PALM2AKAP2: variants seen among roughly 807,000 people sequenced by gnomAD.
PALM2AKAP2 encodes PALM2-AKAP2 fusion protein.
Under a neutral mutation model 71.5 loss-of-function variants are expected in PALM2AKAP2, and 37 were observed. The observed-to-expected ratio is 0.52, with a 90% CI of 0.40 to 0.68. PALM2AKAP2 has a LOEUF of 0.68. PALM2AKAP2 is among the 30% of genes least tolerant of loss of function. The pLI is 0.00. For missense variants in PALM2AKAP2, 1,224 were observed against 1,191.8 expected, an observed-to-expected ratio of 1.03 and a Z score of -0.40; for synonymous variants, 468 against 478.8, an observed-to-expected ratio of 0.98 and a Z score of 0.29.
chr9:109,655,640 G>A (rs1297744888), intron 1 of PALM2AKAP2, among the ~76,000 whole-genome samples: 1 of 150,642 alleles, frequency 6.6e-6, no homozygotes, highest in African/African-American at 2.5e-5. Flanking sequence ...TTTGGTTTCT[G>A]TGAAACTGCC....
chr9:109,644,782 G>T (rs1038698215), intron 1 of PALM2AKAP2, among the ~76,000 whole-genome samples: 1 of 152,192 alleles, frequency 6.6e-6, no homozygotes, highest in Admixed American at 6.5e-5. Flanking sequence ...AGGGAAAAAT[G>T]CTGCCAGTTT....
At chr9:110,010,892 A>G (rs1832869561) in intron 6 of PALM2AKAP2, among the ~76,000 whole-genome samples, 1 of 146,780 alleles carries the variant, frequency 6.8e-6, no homozygotes, top group Admixed American at 6.9e-5. Context: ...GCTACTCAGG[A>G]GGCTGAGGCA....
At chr9:109,754,754 C>G (rs1050104059) in intron 1 of PALM2AKAP2, among the ~76,000 whole-genome samples, 2 of 152,106 alleles carry the variant, frequency 1.3e-5, no homozygotes, top group Non-Finnish European at 2.9e-5. Context: ...TGTGTCTCTT[C>G]TTATATGGGC....
At chr9:110,109,775 A>G (rs907988572) in intron 1 of PALM2AKAP2, among the ~76,000 whole-genome samples, 9 of 152,182 alleles carry the variant, frequency 5.9e-5, no homozygotes, top group African/African-American at 2.2e-4. Context: ...CAGATACAGG[A>G]AAAGGGTGCC....
At chr9:109,815,999 C>A (rs1387190970) in intron 1 of PALM2AKAP2, among the ~76,000 whole-genome samples, 1 of 152,044 alleles carries the variant, frequency 6.6e-6, no homozygotes, top group African/African-American at 2.4e-5. Context: ...TTTTTATGTA[C>A]AAACAAAAAA....
intron 1 of PALM2AKAP2, among the ~76,000 whole-genome samples, chr9:109,796,102 G>A (rs1338281127): frequency 6.6e-6 from 1 of 152,216 alleles, no homozygotes; most frequent in Non-Finnish European, 1.5e-5. Flanking sequence ...TTTTAGCAGA[G>A]TTCTTGTTCT....
chr9:109,893,916 TACATGTTCATCTCTGTAACAAACCTGC>T (rs1830142311), intron 3 of PALM2AKAP2, among the ~76,000 whole-genome samples: 2 of 151,666 alleles, frequency 1.3e-5, no homozygotes, highest in South Asian at 4.2e-4. Flanking sequence ...GCCACCATGG[TACATGTTCATCTCTGTAACAAACCTGC>T]ACATCCTGCA....
chr9:109,795,897 A>T (rs938595081), intron 1 of PALM2AKAP2, among the ~76,000 whole-genome samples: 1 of 152,218 alleles, frequency 6.6e-6, no homozygotes, highest in Non-Finnish European at 1.5e-5. Flanking sequence ...CATATGGGCG[A>T]GCAGAGGTGC....
chr9:109,982,761 G>T (rs1832299807), intron 6 of PALM2AKAP2, among the ~76,000 whole-genome samples: 1 of 152,170 alleles, frequency 6.6e-6, no homozygotes, highest in African/African-American at 2.4e-5. Flanking sequence ...AGTAGCTAGG[G>T]CTGTTGGTGT....
intron 1 of PALM2AKAP2, among the ~76,000 whole-genome samples, chr9:110,092,345 T>A (rs964073456): frequency 1.3e-5 from 2 of 152,130 alleles, no homozygotes; most frequent in South Asian, 4.1e-4. Context: ...AAAAAAGAAG[T>A]AAGATCTGAT....
chr9:109,889,317 G>A (rs986078070), intron 3 of PALM2AKAP2, among the ~76,000 whole-genome samples: 2 of 152,140 alleles, frequency 1.3e-5, no homozygotes, highest in South Asian at 2.1e-4. Flanking sequence ...CATGTTATGC[G>A]GATCAACTCC....
intron 6 of PALM2AKAP2, among the ~76,000 whole-genome samples, chr9:109,957,892 G>C (rs1433039112): frequency 1.3e-5 from 2 of 152,230 alleles, no homozygotes; most frequent in Non-Finnish European, 2.9e-5. Flanking sequence ...GCTGGCCGCA[G>C]TGAGTCCGGG....
chr9:110,071,770 TAAG>T (rs1588090922), intron 1 of PALM2AKAP2, among the ~76,000 whole-genome samples: 1 of 152,216 alleles, frequency 6.6e-6, no homozygotes, highest in East Asian at 1.9e-4. Context: ...CCCTTAGACT[TAAG>T]TAGTATTATT....
chr9:109,725,977 T>C (rs1434968868), intron 1 of PALM2AKAP2, among the ~76,000 whole-genome samples: 4 of 152,202 alleles, frequency 2.6e-5, no homozygotes, highest in African/African-American at 7.2e-5. Context: ...ACGTAGTGCC[T>C]CATATGCCTG....
At chr9:109,843,297 G>C (rs145202700) in intron 1 of PALM2AKAP2, among the ~76,000 whole-genome samples, 2,353 of 84,236 alleles carry the variant, frequency 0.028, 51 homozygotes, top group African/African-American at 0.086. Flanking sequence ...GTGAGCCCCT[G>C]TCTCAAAAAA....
chr9:110,101,405 C>T (rs112522350), intron 1 of PALM2AKAP2, among the ~76,000 whole-genome samples: 1 of 151,674 alleles, frequency 6.6e-6, no homozygotes, highest in Non-Finnish European at 1.5e-5. Context: ...CTCTCTCCCT[C>T]ATTACTTTCT....
At chr9:110,023,881 A>G (rs1833124011) in intron 7 of PALM2AKAP2, among the ~76,000 whole-genome samples, 1 of 152,156 alleles carries the variant, frequency 6.6e-6, no homozygotes, top group Non-Finnish European at 1.5e-5. Context: ...AGTTCTGGCT[A>G]CTTGGGAGGC....
intron 1 of PALM2AKAP2, among the ~76,000 whole-genome samples, chr9:110,134,131 A>T (rs1835794233): frequency 6.6e-6 from 1 of 152,060 alleles, no homozygotes; most frequent in Non-Finnish European, 1.5e-5. Flanking sequence ...AAAAAATTTT[A>T]AAAATTAGCC....
chr9:110,125,847 T>C (rs1835593264), intron 1 of PALM2AKAP2, among the ~76,000 whole-genome samples: 1 of 151,900 alleles, frequency 6.6e-6, no homozygotes, highest in South Asian at 2.1e-4. Context: ...GGACGCTCAG[T>C]CCTGCACATA....
Sources: allele counts gnomAD v4.1 joint callset (sites outside exome capture counted in the v4.1 genomes callset), GRCh38; gene constraint gnomAD v4.1.1; transcripts MANE v1.5; gene names NCBI Gene and HGNC (gene_info 2026-07-23, HGNC 2026-07-21).